Variants in TBC1D10A observed in about 807,000 individuals in gnomAD.
TBC1D10A encodes TBC1 domain family member 10A.
A neutral mutation model predicts 52.9 loss-of-function variants in TBC1D10A; 24 were observed. The observed-to-expected ratio is 0.45, with a 90% CI of 0.33 to 0.64. The LOEUF (loss-of-function observed/expected upper bound fraction) is 0.64, where lower values mean the gene tolerates loss of function less well. Among genes scored for constraint, TBC1D10A ranks in the 30% least tolerant of loss-of-function variants. The pLI, the probability that TBC1D10A is intolerant of heterozygous loss-of-function variation, is 0.02. For missense variants in TBC1D10A, 602 were observed against 687.9 expected, an observed-to-expected ratio of 0.88 and a Z score of 1.40; for synonymous variants, 278 against 282.9, an observed-to-expected ratio of 0.98 and a Z score of 0.17.
At chr22:30,295,692 AG>A (rs1205155365) in intron 4 of TBC1D10A, 44 bp downstream of exon 4, 2 of 1,593,894 alleles carry the variant, frequency 1.3e-6, no homozygotes, top group Non-Finnish European at 1.7e-6. Flanking sequence ...CCTTAGAGAC[AG>A]GCCCTAGAGC....
intron 1 of TBC1D10A, among the ~76,000 whole-genome samples, chr22:30,313,882 C>T (rs1930481049): frequency 6.6e-6 from 1 of 152,040 alleles, no homozygotes; most frequent in Non-Finnish European, 1.5e-5. Context: ...CTAGATCTTC[C>T]TCAAAGCCCA....
chr22:30,316,774 C>T (rs1415588432), intron 1 of TBC1D10A, among the ~76,000 whole-genome samples: 1 of 152,188 alleles, frequency 6.6e-6, no homozygotes, highest in Non-Finnish European at 1.5e-5. Context: ...CACAGTGGCT[C>T]ATGCCTATAA....
chr22:30,294,851 C>CAAGCA lies in TBC1D10A; in HGVS notation c.649_650insTGCTT (p.Trp217LeufsTer57). ...CTTCTCACAGATCTGTACCAGGCAC[C>CAAGCA]AGAAGGCTTGCTGTGGGCAAGAGAG... On this transcript the variant is annotated frameshift_variant, in exon 6 of 9. Coordinates refer to ENST00000215790, the MANE Select transcript of TBC1D10A (RefSeq NM_031937.3). LOFTEE classifies it high-confidence loss of function. 5 of 1,614,140 alleles carry CAAGCA rather than the reference C, an allele frequency of 3.1e-6. No homozygotes were observed. Among genetic ancestry groups the CAAGCA allele is most frequent in the Non-Finnish European group, 4.2e-6 (5 of 1,180,024 alleles).
At chr22:30,296,484 A>G (rs1467169810) in intron 3 of TBC1D10A, 1 of 152,288 alleles carries the variant, frequency 6.6e-6, no homozygotes, top group Non-Finnish European at 1.5e-5. Context: ...CCAGGAAGCC[A>G]GGTGTGTGTG....
chr22:30,318,838 A>C, intron 1 of TBC1D10A: 1 of 398,904 alleles, frequency 2.5e-6, no homozygotes, highest in Non-Finnish European at 5.0e-6. Flanking sequence ...TCCATGCCAG[A>C]CCTGGACTAA....
At position 30,309,321 on chromosome 22, in the gene TBC1D10A, C is replaced by T. The variant is rs533718466; in HGVS notation, c.210-4691G>A. 4.8e-3 allele frequency among the ~76,000 whole-genome samples: 723 copies of T among 152,112 alleles called. 8 individuals carry two copies. The highest frequency in any genetic ancestry group is 4.3e-3 in the Non-Finnish European group (294 of 67,998). On this transcript the variant is annotated intron_variant, in intron 1 of 8. Transcript: ENST00000215790. ...GCATGATCTCAGCTCACTGCAACCTCCACCTCCCGGGTTTAAGTGATTCTC... is the reference window on the plus strand; with the variant it reads ...GCATGATCTCAGCTCACTGCAACCTTCACCTCCCGGGTTTAAGTGATTCTC...
chr22:30,295,560 C>A (rs888647642), intron 4 of TBC1D10A, among the ~76,000 whole-genome samples, 177 bp downstream of exon 4: 2 of 152,210 alleles, frequency 1.3e-5, no homozygotes, highest in Non-Finnish European at 2.9e-5. Flanking sequence ...AAAGCCCCCC[C>A]AGAGGTAAGA....
At chr22:30,300,340 T>C (rs1471302178) in intron 2 of TBC1D10A, 1 of 151,686 alleles carries the variant, frequency 6.6e-6, no homozygotes, top group East Asian at 1.9e-4. Context: ...TCCTAGCTAC[T>C]TGGGAGGCTG....
intron 8 of TBC1D10A, chr22:30,293,372 T>A: frequency 1.5e-6 from 1 of 685,880 alleles, no homozygotes. Context: ...GAGCCAAGGC[T>A]GCGAATGGGG....
chr22:30,321,437 C>G (rs1206352387), intron 1 of TBC1D10A, among the ~76,000 whole-genome samples: 1 of 152,248 alleles, frequency 6.6e-6, no homozygotes, highest in Non-Finnish European at 1.5e-5. Context: ...TCTGGCCTGC[C>G]AGGAGGGCCC....
At chr22:30,316,903 G>A (rs528075568) in intron 1 of TBC1D10A, among the ~76,000 whole-genome samples, 1 of 152,150 alleles carries the variant, frequency 6.6e-6, no homozygotes, top group South Asian at 2.1e-4. Context: ...GCCAGGCATG[G>A]TGGCTTCAGC....
At chr22:30,317,266 GGC>G (rs1930557870) in intron 1 of TBC1D10A, among the ~76,000 whole-genome samples, 1 of 152,048 alleles carries the variant, frequency 6.6e-6, no homozygotes, top group Non-Finnish European at 1.5e-5. Context: ...AAATTAGCCG[GGC>G]ATGGTGGTGG....
At chr22:30,313,971 A>C (rs1226421513) in intron 1 of TBC1D10A, among the ~76,000 whole-genome samples, 2 of 152,174 alleles carry the variant, frequency 1.3e-5, no homozygotes, top group African/African-American at 4.8e-5. Context: ...ACTTAACTGA[A>C]TGTCTGTTAT....
At chr22:30,303,061 G>A (rs180947313) in intron 2 of TBC1D10A, among the ~76,000 whole-genome samples, 1 of 152,344 alleles carries the variant, frequency 6.6e-6, no homozygotes, top group Non-Finnish European at 1.5e-5. Context: ...CACATGGATT[G>A]CTTGAGCTCA....
intron 1 of TBC1D10A, among the ~76,000 whole-genome samples, chr22:30,305,915 C>A (rs1051880240): frequency 6.6e-6 from 1 of 152,232 alleles, no homozygotes; most frequent in Admixed American, 6.5e-5. Flanking sequence ...TGAACTGCTG[C>A]CCCTCTCACC....
At chr22:30,318,965 C>A (rs956377690) in intron 1 of TBC1D10A, 2 of 322,944 alleles carry the variant, frequency 6.2e-6, no homozygotes, top group Non-Finnish European at 1.2e-5. Context: ...ACATTCAAGG[C>A]TAGACTGAGA....
rs1930791786 is a variant in TBC1D10A, at chr22:30,326,859, T to C, written c.23A>G (p.Asn8Ser). 6.6e-7 allele frequency: 1 copy of C among 1,507,636 alleles called. No homozygotes were observed. The highest frequency in any genetic ancestry group is 1.2e-5 in the South Asian group (1 of 81,018). 93.4% of individuals were successfully genotyped at this position (1,507,636 alleles called of 1,614,324 possible). A position where few individuals can be genotyped will look rare whatever the true frequency, so the allele number is the denominator to read the frequency against. ...CCCGGCCGCGGGCGCGCGCGGCCCA[T>C]TCTCTCCGTTGCTCTTCGCCATCCC... is the stretch of plus-strand genomic sequence containing the variant. MAKSNGE[N>S]GPRAPAAGES... Residue 8 changes from asparagine (N) to serine (S), a missense_variant, in exon 1 of 9, where the codon AAT (asparagine) becomes AGT (serine). Physicochemically the swap from Asn to Ser is conservative, Grantham distance 46 (BLOSUM62 1). This residue lies in a region of TBC1D10A where 201 missense variants were observed against 204.4 expected (regional missense o/e 0.98). Transcript: ENST00000215790.
chr22:30,316,931 CAG>C (rs1930549734), intron 1 of TBC1D10A, among the ~76,000 whole-genome samples: 1 of 151,786 alleles, frequency 6.6e-6, no homozygotes, highest in African/African-American at 2.4e-5. Context: ...CCCAGCTACT[CAG>C]GAGGCTGAGG....
chr22:30,314,730 G>C (rs900564149), intron 1 of TBC1D10A, among the ~76,000 whole-genome samples: 14 of 151,412 alleles, frequency 9.2e-5, no homozygotes, highest in African/African-American at 2.7e-4. Flanking sequence ...AAGATTGCTT[G>C]AGCCCAGGAG....
Sources: gnomAD v4.1 joint callset for allele counts (sites outside exome capture counted in the v4.1 genomes callset) on GRCh38, gnomAD v4.1.1 for gene constraint, gnomAD v4.1.1 regional missense constraint, MANE v1.5 for transcripts, NCBI Gene and HGNC (gene_info 2026-07-23, HGNC 2026-07-21) for gene names.